Variants in SEC31B observed in about 807,000 individuals in gnomAD.
SEC31B encodes the protein SEC31 homolog B, COPII component.
In SEC31B, 113 loss-of-function variants were observed where a neutral mutation model predicts 135.0. The ratio of observed to expected loss-of-function variants is 0.84; its 90% CI spans 0.72 to 0.98. SEC31B has a LOEUF of 0.98. Among genes scored for constraint, SEC31B ranks in the 50% least tolerant of loss-of-function variants. The probability of loss-of-function intolerance (pLI) is 0.00; values close to 1 mark genes in which losing one functional copy is unlikely to be tolerated. For missense variants in SEC31B, 1,296 were observed against 1,421.1 expected, an observed-to-expected ratio of 0.91 and a Z score of 1.42; for synonymous variants, 508 against 549.4, an observed-to-expected ratio of 0.92 and a Z score of 1.05.
Position 100,499,514 on chromosome 10 carries a change from A to G in SEC31B, c.1485+10T>C. On this transcript the variant is annotated intron_variant, in intron 12 of 25. Coordinates refer to ENST00000370345, the MANE Select transcript of SEC31B (RefSeq NM_015490.4). ...ACAAGTACATGTTTCTGATGTGAAA[A>G]GCAGCTTACCTTCTTCTGAAGCTCA... is the stretch of plus-strand genomic sequence containing the variant. 1 of 1,597,600 alleles carries G rather than the reference A, an allele frequency of 6.3e-7. No individual in the cohort carries two copies. The highest frequency in any genetic ancestry group is 8.5e-7 in the Non-Finnish European group (1 of 1,170,840).
chr10:100,503,626 G>T (rs1047963898), intron 10 of SEC31B, among the ~76,000 whole-genome samples: 1 of 151,828 alleles, frequency 6.6e-6, no homozygotes, highest in Non-Finnish European at 1.5e-5. Context: ...AGAGACAGGG[G>T]TTTCTCCATG....
At chr10:100,519,291 G>C (rs1225444511) in intron 1 of SEC31B, among the ~76,000 whole-genome samples, 1 of 152,260 alleles carries the variant, frequency 6.6e-6, no homozygotes, top group Non-Finnish European at 1.5e-5. Flanking sequence ...ATTGGCCATG[G>C]GGGCGTGAGG....
intron 3 of SEC31B, among the ~76,000 whole-genome samples, chr10:100,512,992 A>G (rs889674408): frequency 6.6e-6 from 1 of 152,224 alleles, no homozygotes; most frequent in Non-Finnish European, 1.5e-5. Flanking sequence ...AGACACAGAA[A>G]AAAAGAGAGA....
Position 100,490,342 on chromosome 10 carries a change from G to T in SEC31B, c.2651-20C>A. 1 of 1,600,676 alleles carries T rather than the reference G, an allele frequency of 6.2e-7. No individual in the cohort carries two copies. On this transcript the variant is annotated intron_variant, in intron 20 of 25. Transcript: ENST00000370345. ...ATGAAGCTGAAGCAGAACAGAAATA[G>T]GTCATTTGTCACTAAACTTCATTTC...
chr10:100,487,790 T>G lies in SEC31B; in HGVS notation c.3366A>C (p.Ser1122=). The change falls in exon 26 of 26, where the codon TCA becomes TCC. Residue 1122 remains serine, a synonymous_variant. Coordinates refer to ENST00000370345, the MANE Select transcript of SEC31B (RefSeq NM_015490.4). ...CATGGAGCCCAGCCACGACATGAGG[T>G]GAGAGCTGTGGAGGGAATGACCCTT... ...LYEKLCEGTL[S]PHVVAGLHEV... The G allele has an allele frequency of 6.2e-7, 1 of 1,613,852 alleles. No individual in the cohort carries two copies. Among genetic ancestry groups the G allele is most frequent in the Non-Finnish European group, 8.5e-7 (1 of 1,179,964 alleles).
chr10:100,491,935 T>G (rs1316899786), intron 19 of SEC31B, among the ~76,000 whole-genome samples: 1 of 152,216 alleles, frequency 6.6e-6, no homozygotes, highest in African/African-American at 2.4e-5. Flanking sequence ...CAAGGCACCA[T>G]CTTGCAACTA....
At chr10:100,488,271 G>A (rs1040673477) in intron 24 of SEC31B, among the ~76,000 whole-genome samples, 173 bp from the exon 25 acceptor site, 12 of 152,000 alleles carry the variant, frequency 7.9e-5, no homozygotes, top group Non-Finnish European at 1.5e-4. Flanking sequence ...CATCCTGGCT[G>A]ACACGGTGAA....
chr10:100,507,560 C>T lies in SEC31B; in HGVS notation c.647G>A (p.Cys216Tyr). The T allele has an allele frequency of 6.2e-7, 1 of 1,614,212 alleles. No individual in the cohort carries two copies. Among genetic ancestry groups the T allele is most frequent in the Non-Finnish European group, 8.5e-7 (1 of 1,180,034 alleles). ...KVSDHSNRMH[C>Y]SGLAWHPDIA... The stretch of plus-strand genomic sequence containing the variant: ...GTCAGGATGCCAGGCCAGGCCTGAG[C>T]AGTGCATCTGTGAACAAAGCAGATC... Residue 216 changes from cysteine (C) to tyrosine (Y), a missense_variant, in exon 7 of 26, where the codon TGC (cysteine) becomes TAC (tyrosine). Transcript: ENST00000370345.
chr10:100,502,062 C>A (rs972527350), intron 11 of SEC31B, among the ~76,000 whole-genome samples, 192 bp downstream of exon 11: 2 of 152,180 alleles, frequency 1.3e-5, no homozygotes, highest in African/African-American at 2.4e-5. Context: ...TCCCAAATGG[C>A]CTTTGAGCCT....
intron 19 of SEC31B, among the ~76,000 whole-genome samples, chr10:100,491,597 A>C (rs1319631906): frequency 1.3e-5 from 2 of 152,238 alleles, no homozygotes; most frequent in African/African-American, 2.4e-5. Flanking sequence ...ATATTTAAAA[A>C]CCAATCAATT....
chr10:100,514,302 C>T (rs1409175245), intron 3 of SEC31B, among the ~76,000 whole-genome samples: 1 of 152,204 alleles, frequency 6.6e-6, no homozygotes, highest in Non-Finnish European at 1.5e-5. Flanking sequence ...GGAGCCACTA[C>T]TACGCTGAAG....
chr10:100,497,830 T>G, intron 15 of SEC31B, 37 bp from the exon 16 acceptor site: 1 of 1,614,078 alleles, frequency 6.2e-7, no homozygotes, highest in Non-Finnish European at 8.5e-7. Context: ...CCATCAGCCA[T>G]CCATCCAGCA....
intron 1 of SEC31B, 137 bp from the exon 2 acceptor site, chr10:100,517,134 A>C (rs1462908607): frequency 3.4e-6 from 2 of 590,748 alleles, no homozygotes; most frequent in Middle Eastern, 4.3e-4. Context: ...CCATCTGCAG[A>C]TCTAAAGATA....
At position 100,496,395 on chromosome 10, in the gene SEC31B, A is replaced by G. The variant is rs763400858; in HGVS notation, c.2173T>C (p.Leu725=). Residue 725 remains leucine, a synonymous_variant, in exon 18 of 26, where the codon TTG becomes CTG. Coordinates refer to ENST00000370345, the MANE Select transcript of SEC31B (RefSeq NM_015490.4). ...CCATGAGGACCCCGCAGTTGCTCCA[A>G]GCTCCTGTTAAGAACCATCACCTTC... ...MEKVMVLNRS[L]EQLRGPHGVS... 1.6e-5 allele frequency: 26 copies of G among 1,614,042 alleles called. No homozygotes were observed. The highest frequency in any genetic ancestry group is 3.3e-5 in the Admixed American group (2 of 59,994).
At position 100,488,873 on chromosome 10, in the gene SEC31B, CAGGG is replaced by C. The variant is rs1181094291; in HGVS notation, c.3269_3272del (p.Ser1090CysfsTer6). On this transcript the variant is annotated frameshift_variant, in exon 24 of 26. Transcript: ENST00000370345. LOFTEE classifies it high-confidence loss of function. ...TCAGACTTACTAAGTCAGTTGCAGA[CAGGG>C]AGCAGCGTTGGAGAAGCGCCTCAAA... 1 of 1,597,952 alleles carries C rather than the reference CAGGG, an allele frequency of 6.3e-7. No homozygotes were observed. Among genetic ancestry groups the C allele is most frequent in the Non-Finnish European group, 8.5e-7 (1 of 1,172,976 alleles).
intron 3 of SEC31B, among the ~76,000 whole-genome samples, chr10:100,514,662 A>T (rs1305495937): frequency 6.6e-6 from 1 of 152,162 alleles, no homozygotes; most frequent in African/African-American, 2.4e-5. Flanking sequence ...TAAACTATGA[A>T]AAGAAAGAGG....
chr10:100,506,408 T>A lies in SEC31B; in HGVS notation c.795A>T (p.Ser265=). ...CAGCATCAGCCTGGCTCCATGACAC[T>A]GACAAGATCCCCCTAAAAAGAGAAG... The part of the protein sequence containing the change: ...VLESHSRGIL[S]VSWSQADAEL... The change falls in exon 8 of 26, where the codon TCA becomes TCT. Residue 265 remains serine (S), a synonymous_variant. Transcript: ENST00000370345. The A allele has an allele frequency of 6.2e-7, 1 of 1,614,146 alleles. No homozygotes were observed. Among genetic ancestry groups the A allele is most frequent in the Non-Finnish European group, 8.5e-7 (1 of 1,180,012 alleles).
Position 100,496,243 on chromosome 10 carries a change from C to T in SEC31B, c.2310+15G>A, listed in dbSNP as rs1211870572. 2 of 1,612,764 alleles carry T rather than the reference C, an allele frequency of 1.2e-6. No homozygotes were observed. Among genetic ancestry groups the T allele is most frequent in the African/African-American group, 2.7e-5 (2 of 74,922 alleles). On this transcript the variant is annotated intron_variant, in intron 18 of 25. Coordinates refer to ENST00000370345, the MANE Select transcript of SEC31B (RefSeq NM_015490.4). The stretch of plus-strand genomic sequence containing the variant: ...TGAATGAAATGGTTTGCTCTCTCCA[C>T]ATGGCCCCACTTACCTGAGCACAGT...
intron 3 of SEC31B, among the ~76,000 whole-genome samples, chr10:100,513,564 C>G (rs1401622448): frequency 6.6e-6 from 1 of 151,978 alleles, no homozygotes; most frequent in Non-Finnish European, 1.5e-5. Context: ...CCGCCTCCCA[C>G]GTGCAAGCGA....
Sources: allele counts gnomAD v4.1 joint callset (sites outside exome capture counted in the v4.1 genomes callset), GRCh38; gene constraint gnomAD v4.1.1; transcripts MANE v1.5; gene names NCBI Gene and HGNC (gene_info 2026-07-23, HGNC 2026-07-21).